Variants in PKNOX1 observed in about 807,000 individuals in gnomAD.
The protein encoded by PKNOX1 is PBX/knotted 1 homeobox 1.
A neutral mutation model predicts 51.9 loss-of-function variants in PKNOX1; 15 were observed. The observed-to-expected ratio is 0.29, with a 90% confidence interval of 0.19 to 0.45. The LOEUF is 0.45. Ranked by LOEUF, PKNOX1 falls within the 20% of genes least tolerant of loss-of-function variation. The pLI, the probability that PKNOX1 is intolerant of heterozygous loss-of-function variation, is 1.00. For missense variants in PKNOX1, 462 were observed against 547.5 expected, an observed-to-expected ratio of 0.84 and a Z score of 1.56; for synonymous variants, 219 against 211.1, an observed-to-expected ratio of 1.04 and a Z score of -0.32.
chr21:43,006,639 C>T (rs889277655), intron 2 of PKNOX1, among the ~76,000 whole-genome samples: 1 of 152,196 alleles, frequency 6.6e-6, no homozygotes, highest in Non-Finnish European at 1.5e-5. Flanking sequence ...TGAGAGGCGT[C>T]CTGTGCGGGT....
intron 1 of PKNOX1, among the ~76,000 whole-genome samples, chr21:42,998,342 C>T (rs1228521666): frequency 6.6e-6 from 1 of 152,150 alleles, no homozygotes; most frequent in East Asian, 1.9e-4. Flanking sequence ...CCTCCCATAA[C>T]ATGTGGGAAT....
At chr21:43,001,821 G>T (rs1376954775) in intron 1 of PKNOX1, among the ~76,000 whole-genome samples, 1 of 151,836 alleles carries the variant, frequency 6.6e-6, no homozygotes, top group Non-Finnish European at 1.5e-5. Context: ...TTAGCCGGAC[G>T]TAGTCGCAGG....
chr21:43,008,497 G>T (rs573480372), intron 3 of PKNOX1, among the ~76,000 whole-genome samples: 13 of 152,324 alleles, frequency 8.5e-5, no homozygotes, highest in African/African-American at 2.9e-4. Flanking sequence ...TTAAAAGTCT[G>T]CCAGGCGCAG....
At position 43,028,764 on chromosome 21, in the gene PKNOX1, C is replaced by G; in HGVS notation, c.989C>G (p.Pro330Arg). Residue 330 changes from proline to arginine, a missense_variant, in exon 10 of 11, where the codon CCC becomes CGC. Physicochemically the swap from Pro to Arg is moderately radical, Grantham distance 103. Transcript: ENST00000291547. ...PMLDSSCSET[P>R]KTKKKTAQNR... ...TTGGATTCAAGTTGTTCAGAGACCC[C>G]CAAAACAAAGAAAAAAACTGCTCAG... is the stretch of plus-strand genomic sequence containing the variant. The G allele has an allele frequency of 6.2e-7, 1 of 1,614,130 alleles. No homozygotes were observed. The highest frequency in any genetic ancestry group is 8.5e-7 in the Non-Finnish European group (1 of 1,180,026).
intron 8 of PKNOX1, among the ~76,000 whole-genome samples, chr21:43,023,156 G>A (rs1266410396): frequency 1.3e-5 from 2 of 151,778 alleles, no homozygotes; most frequent in African/African-American, 4.8e-5. Context: ...GCTGTTTGGT[G>A]TTTTCTGCTT....
chr21:43,007,056 A>G (rs1979019015), intron 2 of PKNOX1, among the ~76,000 whole-genome samples: 1 of 152,174 alleles, frequency 6.6e-6, no homozygotes, highest in Non-Finnish European at 1.5e-5. Context: ...GAGGGTAGAT[A>G]TGGGAGAAGT....
At chr21:43,012,870 A>G (rs1979316035) in intron 4 of PKNOX1, among the ~76,000 whole-genome samples, 198 bp from the exon 5 acceptor site, 1 of 152,200 alleles carries the variant, frequency 6.6e-6, no homozygotes, top group African/African-American at 2.4e-5. Flanking sequence ...CCTGCACACC[A>G]GATGCAGCCA....
Position 43,021,218 on chromosome 21 carries a change from G to C in PKNOX1, c.721-85G>C. ...ACAATCATTTCCCTGTCCGATCCTT[G>C]GCTGTTTTCTCCACCTGCAGTTGTA... On this transcript the variant is annotated intron_variant, in intron 7 of 10. Coordinates refer to ENST00000291547, the MANE Select transcript of PKNOX1 (RefSeq NM_004571.5). The surrounding 1 kb of genome is among the most constrained non-coding windows in gnomAD (Gnocchi z 4.6). 1 of 1,112,484 alleles carries C rather than the reference G, an allele frequency of 9.0e-7. No individual in the cohort carries two copies. The highest frequency in any genetic ancestry group is 1.3e-6 in the Non-Finnish European group (1 of 773,402). The allele number at this position is 1,112,484 out of a possible 1,614,324, so 68.9% of individuals were successfully genotyped here.
intron 1 of PKNOX1, among the ~76,000 whole-genome samples, chr21:42,991,174 T>TG (rs1021808890): frequency 6.6e-5 from 10 of 152,022 alleles, no homozygotes; most frequent in Admixed American, 3.3e-4. Context: ...AGTCAAAAGT[T>TG]GGGGGGAAGT....
intron 1 of PKNOX1, among the ~76,000 whole-genome samples, chr21:42,987,404 A>AATATATATATATATATATATATATAT (rs1170402960): frequency 5.1e-4 from 21 of 41,394 alleles, no homozygotes; most frequent in South Asian, 7.7e-4. Flanking sequence ...AAAAAAAAAA[A>AATATATATATATATATATATATATAT]ATATATATAT....
chr21:42,999,917 AGATAC>A (rs1357232441), intron 1 of PKNOX1, among the ~76,000 whole-genome samples: 2 of 152,172 alleles, frequency 1.3e-5, no homozygotes, highest in East Asian at 3.8e-4. Context: ...TTCTTCCACC[AGATAC>A]CCTAAATCAT....
chr21:43,016,440 C>CA (rs1321192723), intron 5 of PKNOX1, among the ~76,000 whole-genome samples: 8 of 152,220 alleles, frequency 5.3e-5, no homozygotes, highest in Admixed American at 4.6e-4. Context: ...GACTCCCCAG[C>CA]ACAGCTTGGA....
Position 43,018,123 on chromosome 21 carries a change from C to G in PKNOX1, c.623-10C>G, listed in dbSNP as rs778813848. The G allele has an allele frequency of 5.9e-6, 9 of 1,513,764 alleles. No homozygotes were observed. The highest frequency in any genetic ancestry group is 1.7e-5 in the Admixed American group (1 of 59,370). The allele number at this position is 1,513,764 out of a possible 1,614,324, so 93.8% of individuals were successfully genotyped here. A position where few individuals can be genotyped will look rare whatever the true frequency, so the allele number is the denominator to read the frequency against. On this transcript the variant is annotated splice_polypyrimidine_tract_variant and intron_variant, in intron 6 of 10. Coordinates refer to ENST00000291547, the MANE Select transcript of PKNOX1 (RefSeq NM_004571.5). Reference sequence around the variant, plus strand: ...AAAAGCAGCCTCATATTTTTATTCTCCCTTTCGAGGTGGCACAGTGTATCA... The same window carrying G: ...AAAAGCAGCCTCATATTTTTATTCTGCCTTTCGAGGTGGCACAGTGTATCA...
In PKNOX1 at chr21:43,018,486, A is replaced by C. The variant is rs1312433802; in HGVS notation, c.720+256A>C. Among the ~76,000 whole-genome samples the C allele has an allele frequency of 1.3e-3, 6 of 4,634 alleles. 2 individuals are homozygous for C. Among genetic ancestry groups the C allele is most frequent in the African/African-American group, 5.8e-3 (5 of 862 alleles). 3.0% of individuals were successfully genotyped at this position (4,634 alleles called of 152,430 possible). A position where few individuals can be genotyped will look rare whatever the true frequency, so the allele number is the denominator to read the frequency against. On this transcript the variant is annotated intron_variant, in intron 7 of 10. Coordinates refer to ENST00000291547, the MANE Select transcript of PKNOX1 (RefSeq NM_004571.5). The stretch of plus-strand genomic sequence containing the variant: ...CACCCCCTGCCACCCACACACACAC[A>C]CACACACACACACACACACACACAC...
chr21:42,993,352 G>A lies in PKNOX1; in HGVS notation c.-56-10974G>A, dbSNP rs548793231. Among the ~76,000 whole-genome samples the A allele has an allele frequency of 6.0e-4, 92 of 152,212 alleles. 1 individual carries two copies. The highest frequency in any genetic ancestry group is 2.1e-3 in the African/African-American group (88 of 41,544). On this transcript the variant is annotated intron_variant, in intron 1 of 10. Transcript: ENST00000291547. The stretch of plus-strand genomic sequence containing the variant: ...CCTACATCAACAGGACTCGCGGGCC[G>A]AGCTTCCAGGCGCCTTGAGTGGCTG...
intron 6 of PKNOX1, 45 bp downstream of exon 6, chr21:43,017,052 G>A (rs931173394): frequency 1.6e-6 from 2 of 1,287,442 alleles, no homozygotes; most frequent in African/African-American, 2.9e-5. Flanking sequence ...AGTTTTTGCA[G>A]AAAATGGTCC....
At chr21:42,994,912 T>TTTC (rs749949422) in intron 1 of PKNOX1, among the ~76,000 whole-genome samples, 13 of 132,448 alleles carry the variant, frequency 9.8e-5, no homozygotes, top group Non-Finnish European at 1.1e-4. Flanking sequence ...TTTCTTTTTC[T>TTTC]TTCTTCTTTT....
intron 1 of PKNOX1, among the ~76,000 whole-genome samples, chr21:42,996,818 T>C (rs565832588): frequency 2.6e-5 from 4 of 152,290 alleles, no homozygotes; most frequent in Non-Finnish European, 5.9e-5. Flanking sequence ...TCCTTCCACC[T>C]TGGCCTCCCA....
At position 43,032,076 on chromosome 21, in the gene PKNOX1, T is replaced by G. The variant is rs185619229; in HGVS notation, c.*1975T>G. The stretch of plus-strand genomic sequence containing the variant: ...GGTTTCTCCATGTTGGTCGGGCTGG[T>G]CTCGAACTCCCGACCTCAGGTGATC... On this transcript the variant is annotated 3_prime_UTR_variant, in exon 11 of 11. Transcript: ENST00000291547. 5.5e-4 allele frequency: 241 copies of G among 437,644 alleles called. No individual in the cohort carries two copies. Among genetic ancestry groups the G allele is most frequent in the Admixed American group, 1.0e-3 (39 of 38,856 alleles). 27.1% of individuals were successfully genotyped at this position (437,644 alleles called of 1,614,324 possible).
Sources: allele counts gnomAD v4.1 joint callset (sites outside exome capture counted in the v4.1 genomes callset), GRCh38; gene constraint gnomAD v4.1.1; non-coding constraint Gnocchi (gnomAD v3.1); transcripts MANE v1.5; gene names NCBI Gene and HGNC (gene_info 2026-07-23, HGNC 2026-07-21).